The following ZKSCAN1 variants were observed in gnomAD, a reference collection of about 807,000 sequenced individuals.
ZKSCAN1 encodes zinc finger protein with KRAB and SCAN domains 1.
A neutral mutation model predicts 51.6 loss-of-function variants in ZKSCAN1; 14 were observed. The ratio of observed to expected loss-of-function variants is 0.27; its 90% confidence interval spans 0.18 to 0.42. The LOEUF (loss-of-function observed/expected upper bound fraction) is 0.42. ZKSCAN1 is among the 10% of genes least tolerant of loss of function. The probability of loss-of-function intolerance (pLI) is 1.00; values close to 1 mark genes in which losing one functional copy is unlikely to be tolerated. For missense variants in ZKSCAN1, 531 were observed against 710.0 expected, an observed-to-expected ratio of 0.75 and a Z score of 2.86; for synonymous variants, 263 against 261.5, an observed-to-expected ratio of 1.01 and a Z score of -0.06.
At chr7:100,027,926 T>C (rs916631082) in intron 3 of ZKSCAN1, among the ~76,000 whole-genome samples, 1 of 152,012 alleles carries the variant, frequency 6.6e-6, no homozygotes, top group African/African-American at 2.4e-5. Flanking sequence ...GAGTAACAGT[T>C]TCAAAGATCC....
rs1791575163 is a variant in ZKSCAN1, at chr7:100,041,101, G to A, written c.*6904G>A. On this transcript the variant is annotated 3_prime_UTR_variant, in exon 6 of 6. Transcript: ENST00000324306. ...AGCATAAGCCTAAATCTATATAGAG[G>A]GCTAACTCAGGCATTGTCTTGTTTA... The A allele has an allele frequency of 4.6e-6, 4 of 868,106 alleles. No individual in the cohort carries two copies. The highest frequency in any genetic ancestry group is 5.5e-6 in the Non-Finnish European group (4 of 723,100). The allele number at this position is 868,106 out of a possible 1,614,324, so 53.8% of individuals were successfully genotyped here. A position where few individuals can be genotyped will look rare whatever the true frequency, so the allele number is the denominator to read the frequency against.
downstream of ZKSCAN1, chr7:100,044,705 A>AAT: frequency 1.6e-6 from 1 of 641,430 alleles, no homozygotes; most frequent in Non-Finnish European, 1.9e-6. Context: ...AAAAAAAAAA[A>AAT]GTAGCACTGA....
downstream of ZKSCAN1, among the ~76,000 whole-genome samples, chr7:100,042,991 G>A (rs1419824198): frequency 6.6e-5 from 10 of 151,970 alleles, no homozygotes; most frequent in East Asian, 1.8e-3. Context: ...TAGTAGAGAC[G>A]GGGTTTCATA....
At position 100,033,499 on chromosome 7, in the gene ZKSCAN1, C is replaced by T; in HGVS notation, c.994C>T (p.Pro332Ser). The change falls in exon 6 of 6, where the codon CCA (proline) becomes TCA (serine). Residue 332 changes from proline (P) to serine (S), a missense_variant. By Grantham distance (74) the Pro-to-Ser change is moderately conservative. Around this residue, in one of 2 missense-constraint regions of ZKSCAN1, gnomAD observed 403 missense variants for 490.5 expected, o/e 0.82. Coordinates refer to ENST00000324306, the MANE Select transcript of ZKSCAN1 (RefSeq NM_003439.4). The surrounding 1 kb of genome is among the most constrained non-coding windows in gnomAD (Gnocchi z 4.1). The stretch of plus-strand genomic sequence containing the variant: ...CAGGAAAGAGAAAAGAGATTCAGGG[C>T]CAGCTATAGGAAAGGACAAAAAAAC... ...KTRKEKRDSG[P>S]AIGKDKKTIT... 6.2e-7 allele frequency: 1 copy of T among 1,613,742 alleles called. No individual in the cohort carries two copies. The highest frequency in any genetic ancestry group is 1.3e-5 in the African/African-American group (1 of 74,912).
Position 100,037,663 on chromosome 7 carries a change from CAG to C in ZKSCAN1, c.*3468_*3469del. On this transcript the variant is annotated 3_prime_UTR_variant, in exon 6 of 6. Coordinates refer to ENST00000324306, the MANE Select transcript of ZKSCAN1 (RefSeq NM_003439.4). ...CATGTATAGCACTCATTGCTTCAGA[CAG>C]AAAATGAATTCCGTCGGTATGTTCC... 2.0e-6 allele frequency: 2 copies of C among 985,428 alleles called. No individual in the cohort carries two copies. Among genetic ancestry groups the C allele is most frequent in the Non-Finnish European group, 2.4e-6 (2 of 829,930 alleles). The allele number at this position is 985,428 out of a possible 1,614,324, so 61.0% of individuals were successfully genotyped here.
chr7:100,044,758 T>C (rs996116409), downstream of ZKSCAN1: 2 of 983,936 alleles, frequency 2.0e-6, no homozygotes, highest in African/African-American at 3.5e-5. Context: ...TCCACTTTCA[T>C]TCTCTTTTCC....
chr7:100,021,716 A>G (rs573421977), intron 1 of ZKSCAN1, among the ~76,000 whole-genome samples: 22 of 148,732 alleles, frequency 1.5e-4, no homozygotes, highest in Middle Eastern at 3.5e-3. Flanking sequence ...GTGTCCTGTA[A>G]TTGCAGTTTC....
downstream of ZKSCAN1, chr7:100,041,823 G>C (rs1038325625): frequency 1.2e-6 from 1 of 842,748 alleles, no homozygotes; most frequent in African/African-American, 1.8e-5. Context: ...AAATTCTCAT[G>C]CAAAACTATC....
intron 1 of ZKSCAN1, among the ~76,000 whole-genome samples, chr7:100,017,218 TA>T (rs199676744): frequency 6.6e-6 from 1 of 151,070 alleles, no homozygotes; most frequent in African/African-American, 2.4e-5. Flanking sequence ...GCAATTTATT[TA>T]AAAAAAAATT....
downstream of ZKSCAN1, among the ~76,000 whole-genome samples, chr7:100,044,314 G>A (rs546953433): frequency 5.9e-5 from 9 of 152,104 alleles, no homozygotes; most frequent in Non-Finnish European, 1.3e-4. Context: ...AGACCCCACT[G>A]CAGTGGTTCC....
chr7:100,044,960 C>G (rs1465022896), downstream of ZKSCAN1: 1 of 985,110 alleles, frequency 1.0e-6, no homozygotes, highest in Admixed American at 6.2e-5. Context: ...ATGATGAGAA[C>G]GAGCGAGGAA....
At chr7:100,025,465 G>A (rs1302713857) in intron 3 of ZKSCAN1, among the ~76,000 whole-genome samples, 3 of 152,106 alleles carry the variant, frequency 2.0e-5, no homozygotes, top group African/African-American at 7.2e-5. Flanking sequence ...AAAAAGTCAT[G>A]TTACTTGTTT....
Position 100,039,918 on chromosome 7 carries a change from A to G in ZKSCAN1, c.*5721A>G, listed in dbSNP as rs1791521738. On this transcript the variant is annotated 3_prime_UTR_variant, in exon 6 of 6. Coordinates refer to ENST00000324306, the MANE Select transcript of ZKSCAN1 (RefSeq NM_003439.4). ...TTCATAGAAATTAGGGTAGATTTTT[A>G]TTTCAACTACTACTGGAGAATTTAA... 1 of 980,362 alleles carries G rather than the reference A, an allele frequency of 1.0e-6. No homozygotes were observed. The highest frequency in any genetic ancestry group is 1.8e-5 in the African/African-American group (1 of 57,132). The allele number at this position is 980,362 out of a possible 1,614,324, so 60.7% of individuals were successfully genotyped here. A position where few individuals can be genotyped will look rare whatever the true frequency, so the allele number is the denominator to read the frequency against.
rs1791536132 is a variant in ZKSCAN1 at position 100,040,219 on chromosome 7, G to T, written c.*6022G>T. 1.0e-6 allele frequency: 1 copy of T among 985,292 alleles called. No homozygotes were observed. The highest frequency in any genetic ancestry group is 1.7e-5 in the African/African-American group (1 of 57,226). 61.0% of individuals were successfully genotyped at this position (985,292 alleles called of 1,614,324 possible). On this transcript the variant is annotated 3_prime_UTR_variant, in exon 6 of 6. Transcript: ENST00000324306. ...TAACATGAGAATTGAATTTCATGATGTGTGGTTCCATTTAATAGCGGACAC... is the reference window on the plus strand; with the variant it reads ...TAACATGAGAATTGAATTTCATGATTTGTGGTTCCATTTAATAGCGGACAC...
Position 100,023,875 on chromosome 7 carries a change from T to C in ZKSCAN1, c.369T>C (p.Ser123=). The C allele has an allele frequency of 6.2e-7, 1 of 1,612,614 alleles. No homozygotes were observed. The highest frequency in any genetic ancestry group is 8.5e-7 in the Non-Finnish European group (1 of 1,179,814). Residue 123 remains serine, a synonymous_variant, in exon 2 of 6, where the codon AGT becomes AGC. Coordinates refer to ENST00000324306, the MANE Select transcript of ZKSCAN1 (RefSeq NM_003439.4). ...QVWLQEYRPD[S]GEEAVTLLED... ...GGCTGCAGGAATACCGCCCCGATAG[T>C]GGAGAGGAGGCCGTGACCCTTCTAG...
intron 3 of ZKSCAN1, among the ~76,000 whole-genome samples, chr7:100,027,294 CAAAAAAA>C (rs968136794): frequency 1.6e-4 from 13 of 83,056 alleles, no homozygotes; most frequent in Non-Finnish European, 3.1e-4. Context: ...ACACTCATCT[CAAAAAAA>C]AAAAAAAAAG....
Position 100,035,873 on chromosome 7 carries a change from C to T in ZKSCAN1, c.*1676C>T, listed in dbSNP as rs1341230745. 2 of 985,274 alleles carry T rather than the reference C, an allele frequency of 2.0e-6. No individual in the cohort carries two copies. The highest frequency in any genetic ancestry group is 2.4e-6 in the Non-Finnish European group (2 of 829,948). The allele number at this position is 985,274 out of a possible 1,614,324, so 61.0% of individuals were successfully genotyped here. A position where few individuals can be genotyped will look rare whatever the true frequency, so the allele number is the denominator to read the frequency against. ...GGAGATTGTGAGCTGTGTAAGTAGT[C>T]ATCGCCACTCAAGTAGGACAAGGGT... On this transcript the variant is annotated 3_prime_UTR_variant, in exon 6 of 6. Transcript: ENST00000324306.
chr7:100,022,966 T>C (rs1049834025), intron 1 of ZKSCAN1, among the ~76,000 whole-genome samples: 1 of 152,072 alleles, frequency 6.6e-6, no homozygotes, highest in Non-Finnish European at 1.5e-5. Context: ...AATCTTGATA[T>C]ATGAAGTGAC....
In ZKSCAN1 at chr7:100,040,006, C is replaced by T. The variant is rs1185650448; in HGVS notation, c.*5809C>T. On this transcript the variant is annotated 3_prime_UTR_variant, in exon 6 of 6. Transcript: ENST00000324306. ...TTAGGGTTTTTTTTTTTAGAGTGGA[C>T]ACACTACATTTAAAAGCAATTATTT... 1 of 878,366 alleles carries T rather than the reference C, an allele frequency of 1.1e-6. No homozygotes were observed. Among genetic ancestry groups the T allele is most frequent in the African/African-American group, 1.8e-5 (1 of 54,576 alleles). The allele number at this position is 878,366 out of a possible 1,614,324, so 54.4% of individuals were successfully genotyped here. A position where few individuals can be genotyped will look rare whatever the true frequency, so the allele number is the denominator to read the frequency against.
Sources: gnomAD v4.1 joint callset for allele counts (sites outside exome capture counted in the v4.1 genomes callset) on GRCh38, gnomAD v4.1.1 for gene constraint, gnomAD v4.1.1 regional missense constraint, Gnocchi (gnomAD v3.1) non-coding constraint, MANE v1.5 for transcripts, NCBI Gene and HGNC (gene_info 2026-07-23, HGNC 2026-07-21) for gene names.